The following SMYD5 variants were observed in gnomAD, a reference collection of about 807,000 sequenced individuals.
The protein encoded by SMYD5 is protein-lysine N-trimethyltransferase SMYD5.
SMYD5 carries 35 observed loss-of-function variants against 57.4 expected under a neutral mutation model. That is an observed-to-expected ratio of 0.61 (90% CI 0.47 to 0.81). The LOEUF (loss-of-function observed/expected upper bound fraction) is 0.81. Among genes scored for constraint, SMYD5 ranks in the 30% least tolerant of loss-of-function variants. The pLI is 0.00. For synonymous variants in SMYD5, 198 were observed against 189.7 expected (o/e 1.04, Z -0.36); for missense variants, 471 against 527.9 (o/e 0.89, Z 1.06).
In SMYD5 at chr2:73,222,718, C is replaced by T. The variant is rs775431034; in HGVS notation, c.643-37C>T. The T allele has an allele frequency of 1.1e-5, 18 of 1,586,598 alleles. 1 individual carries two copies. In the South Asian group the frequency reaches 1.4e-4, roughly 12 times the overall value. On this transcript the variant is annotated intron_variant, in intron 6 of 12. Transcript: ENST00000389501. ...TGCCTGGGTGCTAATGGGAAATCCC[C>T]AGGGATACAAGTCTCTCCCTGCTTC...
chr2:73,218,418 G>C (rs1361687654), intron 1 of SMYD5, among the ~76,000 whole-genome samples: 7 of 152,186 alleles, frequency 4.6e-5, no homozygotes, highest in Non-Finnish European at 7.4e-5. Context: ...CCTGTCCCAT[G>C]GTGTAGGATT....
chr2:73,214,673 T>C (rs1454683603), intron 1 of SMYD5: 1 of 1,438,912 alleles, frequency 6.9e-7, no homozygotes, highest in Non-Finnish European at 9.3e-7. Context: ...CCTGGAACGG[T>C]GGGCGGGGAT....
At chr2:73,217,163 G>C (rs1027729429) in intron 1 of SMYD5, among the ~76,000 whole-genome samples, 9 of 152,020 alleles carry the variant, frequency 5.9e-5, no homozygotes, top group African/African-American at 1.9e-4. Context: ...TATTGGTCAG[G>C]CTGGTCTTGA....
chr2:73,220,724 C>T lies in SMYD5; in HGVS notation c.409C>T (p.Pro137Ser). 1 of 1,614,044 alleles carries T rather than the reference C, an allele frequency of 6.2e-7. No homozygotes were observed. The highest frequency in any genetic ancestry group is 8.5e-7 in the Non-Finnish European group (1 of 1,180,004). The change falls in exon 4 of 13, where the codon CCA becomes TCA. Residue 137 changes from proline to serine, a missense_variant. Pro to Ser is a moderately conservative substitution (Grantham distance 74). Coordinates refer to ENST00000389501, the MANE Select transcript of SMYD5 (RefSeq NM_006062.3). ...ATEQYHQVLC[P>S]GPSQDDPLHP... is the part of the protein sequence containing the mutation. The stretch of plus-strand genomic sequence containing the variant: ...TGAGCAATACCACCAGGTCCTGTGC[C>T]CAGGCCCCTCCCAGGATGACCCCTT...
intron 1 of SMYD5, among the ~76,000 whole-genome samples, chr2:73,217,340 T>G (rs1296102551): frequency 6.6e-6 from 1 of 152,228 alleles, no homozygotes; most frequent in African/African-American, 2.4e-5. Context: ...ACTCTGATTC[T>G]TTTCTCTTTG....
In SMYD5 at chr2:73,223,441, G is replaced by T; in HGVS notation, c.792G>T (p.Trp264Cys). The change falls in exon 9 of 13, where the codon TGG becomes TGT. Residue 264 changes from tryptophan to cysteine, a missense_variant. Coordinates refer to ENST00000389501, the MANE Select transcript of SMYD5 (RefSeq NM_006062.3). ...QGIGTSSLSQ[W>C]VHACDTLELK... ...GACCCCCCAGCTCCCTAAGCCAGTG[G>T]GTCCATGCCTGTGACACTCTGGAGT... The T allele has an allele frequency of 6.2e-7, 1 of 1,613,748 alleles. No homozygotes were observed. The highest frequency in any genetic ancestry group is 8.5e-7 in the Non-Finnish European group (1 of 1,179,666).
At chr2:73,219,626 C>T (rs1386543451) in intron 2 of SMYD5, among the ~76,000 whole-genome samples, 1 of 152,236 alleles carries the variant, frequency 6.6e-6, no homozygotes, top group Non-Finnish European at 1.5e-5. Context: ...AGGTGCTCCA[C>T]TTGCCTTGGC....
chr2:73,221,997 T>C, intron 6 of SMYD5, 67 bp downstream of exon 6: 1 of 991,856 alleles, frequency 1.0e-6, no homozygotes, highest in South Asian at 1.3e-5. Context: ...TGGCCAGCTG[T>C]GGGGAGCACC....
At chr2:73,222,449 T>G (rs952381332) in intron 6 of SMYD5, among the ~76,000 whole-genome samples, 2 of 152,206 alleles carry the variant, frequency 1.3e-5, no homozygotes, top group African/African-American at 4.8e-5. Flanking sequence ...CCAGCTGGTC[T>G]GGAGGCCAGG....
intron 1 of SMYD5, 52 bp downstream of exon 1, chr2:73,214,414 G>A: frequency 6.2e-7 from 1 of 1,610,894 alleles, no homozygotes; most frequent in Non-Finnish European, 8.5e-7. Flanking sequence ...CGGCCATGGA[G>A]ACAGCCCGGC....
intron 3 of SMYD5, 84 bp downstream of exon 3, chr2:73,220,274 C>T (rs975620645): frequency 6.2e-5 from 91 of 1,459,588 alleles, no homozygotes; most frequent in African/African-American, 3.6e-4. Context: ...ACAGGAGCAG[C>T]GACAGACCTG....
chr2:73,220,882 G>A (rs574417933), intron 4 of SMYD5, 100 bp downstream of exon 4: 102 of 1,396,770 alleles, frequency 7.3e-5, no homozygotes, highest in Admixed American at 2.5e-4. Context: ...CCAATTCCCC[G>A]GATTTTTCTT....
Position 73,221,246 on chromosome 2 carries a change from CA to C in SMYD5, c.537+14del. 4 of 1,611,854 alleles carry C rather than the reference CA, an allele frequency of 2.5e-6. No individual in the cohort carries two copies. The highest frequency in any genetic ancestry group is 3.4e-6 in the Non-Finnish European group (4 of 1,178,036). The stretch of plus-strand genomic sequence containing the variant: ...CCACAGTGAAGCAGGTGAGCCCACC[CA>C]ACCCTCTCGGGGAAGCTGACTTTGG... On this transcript the variant is annotated intron_variant, in intron 5 of 12. Coordinates refer to ENST00000389501, the MANE Select transcript of SMYD5 (RefSeq NM_006062.3).
At chr2:73,217,544 A>T (rs1438526753) in intron 1 of SMYD5, among the ~76,000 whole-genome samples, 1 of 152,208 alleles carries the variant, frequency 6.6e-6, no homozygotes, top group Non-Finnish European at 1.5e-5. Context: ...AAGGGCTTCC[A>T]GGAAACCAGG....
chr2:73,214,311 G>A lies in SMYD5; in HGVS notation c.45G>A (p.Val15=), dbSNP rs746696534. The A allele has an allele frequency of 1.7e-5, 27 of 1,613,594 alleles. No homozygotes were observed. The highest frequency in any genetic ancestry group is 8.3e-5 in the Admixed American group (5 of 60,000). ...MCDVFSFCVG[V]AGRARVSVEV... is the part of the protein sequence containing the mutation. Reference sequence around the variant, plus strand: ...ACGTGTTCTCCTTCTGCGTGGGCGTGGCGGGCCGCGCGCGGGTCTCCGTGG... The same window carrying A: ...ACGTGTTCTCCTTCTGCGTGGGCGTAGCGGGCCGCGCGCGGGTCTCCGTGG... Residue 15 remains valine, a synonymous_variant, in exon 1 of 13, where the codon GTG becomes GTA. Transcript: ENST00000389501.
intron 8 of SMYD5, 82 bp from the exon 9 acceptor site, chr2:73,223,344 T>A (rs747807528): frequency 1.0e-6 from 1 of 1,000,450 alleles, no homozygotes; most frequent in Non-Finnish European, 1.6e-6. Flanking sequence ...CCCTTCTTCC[T>A]GGGCTTAACT....
chr2:73,225,757 T>C, intron 12 of SMYD5, 39 bp from the exon 13 acceptor site: 1 of 1,613,816 alleles, frequency 6.2e-7, no homozygotes. Flanking sequence ...TACCCATAGC[T>C]CCCTGACTTT....
At chr2:73,225,755 G>T in intron 12 of SMYD5, 41 bp from the exon 13 acceptor site, 1 of 1,613,918 alleles carries the variant, frequency 6.2e-7, no homozygotes. Context: ...TCTACCCATA[G>T]CTCCCTGACT....
intron 6 of SMYD5, among the ~76,000 whole-genome samples, chr2:73,222,376 C>T (rs562686447): frequency 4.7e-4 from 71 of 152,310 alleles, no homozygotes; most frequent in African/African-American, 1.7e-3. Context: ...CAGGTGTGTA[C>T]AAGGTTTGCA....
Sources: gnomAD v4.1 joint callset for allele counts (sites outside exome capture counted in the v4.1 genomes callset) on GRCh38, gnomAD v4.1.1 for gene constraint, MANE v1.5 for transcripts, NCBI Gene and HGNC (gene_info 2026-07-23, HGNC 2026-07-21) for gene names.